The following FAT3 variants were observed in gnomAD, a reference collection of about 807,000 sequenced individuals.
The protein encoded by FAT3 is FAT atypical cadherin 3.
In FAT3, 95 loss-of-function variants were observed where a neutral mutation model predicts 310.2. That is an observed-to-expected ratio of 0.31 (90% CI 0.26 to 0.36). The LOEUF (loss-of-function observed/expected upper bound fraction) is 0.36, where lower values mean the gene tolerates loss of function less well. Among genes scored for constraint, FAT3 ranks in the 10% least tolerant of loss-of-function variants. The pLI, the probability that FAT3 is intolerant of heterozygous loss-of-function variation, is 1.00. For synonymous variants in FAT3, 2,314 were observed against 2,192.9 expected (o/e 1.06, Z -1.54); for missense variants, 5,408 against 5,715.6 (o/e 0.95, Z 1.74).
At chr11:92,733,187 C>G (rs1945238242) in intron 4 of FAT3, among the ~76,000 whole-genome samples, 1 of 152,124 alleles carries the variant, frequency 6.6e-6, no homozygotes. Context: ...CAGTGTGGAT[C>G]CAACTGGGAG....
At chr11:92,472,128 A>T (rs187361438) in intron 2 of FAT3, among the ~76,000 whole-genome samples, 1 of 152,200 alleles carries the variant, frequency 6.6e-6, no homozygotes, top group Non-Finnish European at 1.5e-5. Context: ...GAGCAGCTTT[A>T]CAAGAGTTTC....
At chr11:92,522,877 T>A (rs1415020911) in intron 2 of FAT3, among the ~76,000 whole-genome samples, 2 of 152,176 alleles carry the variant, frequency 1.3e-5, no homozygotes, top group Admixed American at 1.3e-4. Flanking sequence ...TAAATATGTA[T>A]GATGTTTCTC....
At chr11:92,411,512 C>A (rs1171859240) in intron 2 of FAT3, among the ~76,000 whole-genome samples, 1 of 152,078 alleles carries the variant, frequency 6.6e-6, no homozygotes, top group African/African-American at 2.4e-5. Flanking sequence ...CTCACCTGAA[C>A]CTTTTCTCAG....
At chr11:92,884,961 G>T (rs1048013412) in intron 24 of FAT3, among the ~76,000 whole-genome samples, 8 of 152,168 alleles carry the variant, frequency 5.3e-5, no homozygotes, top group African/African-American at 1.7e-4. Context: ...GCCAGGCAAG[G>T]AGACAAACAC....
intron 10 of FAT3, among the ~76,000 whole-genome samples, chr11:92,803,027 C>T (rs1306586136): frequency 3.8e-5 from 2 of 52,268 alleles, no homozygotes; most frequent in African/African-American, 1.0e-4. Context: ...TATCTGAGAC[C>T]TCTTTTTTGA....
intron 11 of FAT3, among the ~76,000 whole-genome samples, chr11:92,805,936 G>A (rs988188964): frequency 5.3e-5 from 8 of 152,200 alleles, no homozygotes; most frequent in African/African-American, 1.7e-4. Flanking sequence ...ATTGCAAATA[G>A]ATTTAATCTC....
chr11:92,835,046 A>G lies in FAT3; in HGVS notation c.10048A>G (p.Ile3350Val). ...KFSQDVYSAV[I>V]SEDALVGDSV... ...CAGCCAAGACGTCTACAGTGCGGTT[A>G]TCAGTGAAGACGCCTTGGTGGGAGA... The change falls in exon 15 of 28, where the codon ATC becomes GTC. Residue 3350 changes from isoleucine (I) to valine (V), a missense_variant. Ile to Val is a conservative substitution (Grantham distance 29). Transcript: ENST00000525166. The G allele has an allele frequency of 1.2e-6, 2 of 1,613,522 alleles. No individual in the cohort carries two copies.
chr11:92,346,001 AG>A, intron 1 of FAT3, among the ~76,000 whole-genome samples: 1 of 152,172 alleles, frequency 6.6e-6, no homozygotes, highest in African/African-American at 2.4e-5. Context: ...TCAAATACTT[AG>A]TATATTATCT....
chr11:92,615,888 T>C (rs1350404506), intron 3 of FAT3, among the ~76,000 whole-genome samples: 1 of 152,256 alleles, frequency 6.6e-6, no homozygotes, highest in Non-Finnish European at 1.5e-5. Context: ...AGGAGTGCTT[T>C]ACTTCCAACT....
intron 2 of FAT3, among the ~76,000 whole-genome samples, chr11:92,512,467 TATC>T (rs1407341368): frequency 4.0e-5 from 6 of 148,948 alleles, no homozygotes; most frequent in Non-Finnish European, 8.9e-5. Flanking sequence ...GGGACTTTCT[TATC>T]ATGCTAGCTA....
In FAT3 at chr11:92,893,432, T is replaced by C. The variant is rs920011304; in HGVS notation, c.*2319T>C. ...AATAGAGTGACTGCTACACTTTAAG[T>C]AATGCAATGACATAAAAACCATCAA... is the stretch of plus-strand genomic sequence containing the variant. On this transcript the variant is annotated 3_prime_UTR_variant, in exon 28 of 28. Coordinates refer to ENST00000525166, the MANE Select transcript of FAT3 (RefSeq NM_001367949.2). 14 of 152,198 alleles carry C rather than the reference T, an allele frequency of 9.2e-5. No homozygotes were observed. The highest frequency in any genetic ancestry group is 3.4e-4 in the African/African-American group (14 of 41,446). The allele number at this position is 152,198 out of a possible 1,614,324, so 9.4% of individuals were successfully genotyped here. A position where few individuals can be genotyped will look rare whatever the true frequency, so the allele number is the denominator to read the frequency against.
At chr11:92,486,363 T>C (rs1952403091) in intron 2 of FAT3, among the ~76,000 whole-genome samples, 1 of 151,848 alleles carries the variant, frequency 6.6e-6, no homozygotes, top group Non-Finnish European at 1.5e-5. Flanking sequence ...GAGGCACATT[T>C]TGTTGTCCTT....
chr11:92,758,066 C>G (rs926422542), intron 4 of FAT3, among the ~76,000 whole-genome samples: 1 of 152,136 alleles, frequency 6.6e-6, no homozygotes, highest in Admixed American at 6.5e-5. Context: ...AATTTTCATA[C>G]AGAGACCCTC....
chr11:92,477,721 A>G (rs934553889), intron 2 of FAT3, among the ~76,000 whole-genome samples: 5 of 152,234 alleles, frequency 3.3e-5, no homozygotes, highest in African/African-American at 1.2e-4. Flanking sequence ...ACCTGACCCT[A>G]GAGCAGGTGC....
chr11:92,618,241 C>T (rs999875234), intron 3 of FAT3, among the ~76,000 whole-genome samples: 58 of 152,188 alleles, frequency 3.8e-4, no homozygotes, highest in Non-Finnish European at 1.8e-4. Flanking sequence ...GCTGTGCTAG[C>T]GGTGAGCGAG....
chr11:92,870,312 A>G (rs1949356074), intron 22 of FAT3, among the ~76,000 whole-genome samples: 1 of 152,204 alleles, frequency 6.6e-6, no homozygotes, highest in Non-Finnish European at 1.5e-5. Flanking sequence ...GGAATGACAC[A>G]GTCAGCAGGT....
At chr11:92,837,289 G>A (rs989794079) in intron 16 of FAT3, among the ~76,000 whole-genome samples, 1 of 152,326 alleles carries the variant, frequency 6.6e-6, no homozygotes, top group Non-Finnish European at 1.5e-5. Context: ...AGACAGATCA[G>A]CAGTGACAAC....
chr11:92,825,352 G>A (rs1487383301), intron 13 of FAT3, among the ~76,000 whole-genome samples: 2 of 152,086 alleles, frequency 1.3e-5, no homozygotes, highest in African/African-American at 2.4e-5. Context: ...TTAATCTACT[G>A]GGAGAGGGGA....
chr11:92,366,999 A>G (rs1253364008), intron 2 of FAT3: 3 of 520,250 alleles, frequency 5.8e-6, no homozygotes, highest in African/African-American at 3.8e-5. Flanking sequence ...TGAGGTGTCA[A>G]GTCCTCATTA....
Sources: allele counts gnomAD v4.1 joint callset (sites outside exome capture counted in the v4.1 genomes callset), GRCh38; gene constraint gnomAD v4.1.1; transcripts MANE v1.5; gene names NCBI Gene and HGNC (gene_info 2026-07-23, HGNC 2026-07-21).